TRO: variants seen among roughly 807,000 people sequenced by gnomAD.
The protein encoded by TRO is MAGE superfamily protein.
Under a neutral mutation model 42.3 loss-of-function variants are expected in TRO, and 29 were observed. That is an observed-to-expected ratio of 0.68 (90% confidence interval 0.51 to 0.93). The LOEUF (loss-of-function observed/expected upper bound fraction) is 0.93. Among genes scored for constraint, TRO ranks in the 40% least tolerant of loss-of-function variants. The pLI is 0.00. For synonymous variants in TRO, 384 were observed against 425.2 expected (o/e 0.90, Z 1.19); for missense variants, 963 against 1,127.7 (o/e 0.85, Z 2.09).
At position 54,923,766 on chromosome X, in the gene TRO, A is replaced by G. The variant is rs1345827436; in HGVS notation, c.1234A>G (p.Lys412Glu). ...TTRTRGKRNR[K>E]SKHLNGDERS... The stretch of plus-strand genomic sequence containing the variant: ...CAGGACCCGGGGCAAAAGAAACCGA[A>G]AGGTGAGATCTCTGACATTGCCATC... The change falls in exon 3 of 13, where the codon AAG (lysine) becomes GAG (glutamate). Residue 412 changes from lysine (K) to glutamate (E), a missense_variant and splice_region_variant. Physicochemically the swap from Lys to Glu is moderately conservative, Grantham distance 56. Around this residue, in one of 2 missense-constraint regions of TRO, gnomAD observed 322 missense variants for 316.5 expected, o/e 1.02. Coordinates refer to ENST00000173898, the MANE Select transcript of TRO (RefSeq NM_001039705.3). 3 of 1,196,141 alleles carry G rather than the reference A, an allele frequency of 2.5e-6. No individual in the cohort carries two copies. The East Asian group carries it at 8.9e-5, about 36-fold the overall frequency.
chrX:54,922,456 C>A, intron 2 of TRO, 122 bp from the exon 3 acceptor site: 2 of 907,218 alleles, frequency 2.2e-6, no homozygotes, highest in Non-Finnish European at 3.0e-6. Context: ...TGACTCTATT[C>A]CTTCCTTGCT....
chrX:54,922,379 A>G, intron 2 of TRO, 88 bp downstream of exon 2: 2 of 1,066,756 alleles, frequency 1.9e-6, no homozygotes, highest in Admixed American at 5.1e-5. Flanking sequence ...GTGTAGTTTC[A>G]TAATTCCCTG....
rs1336255958 is a variant in TRO at position 54,927,709 on chromosome X, A to G, written c.1806A>G (p.Glu602=). Residue 602 remains glutamate (E), a synonymous_variant, in exon 11 of 13, where the codon GAA becomes GAG. Transcript: ENST00000173898. The stretch of plus-strand genomic sequence containing the variant: ...GGGTCCCTAACAGCAGACCACCTGA[A>G]TATGAGTTCTTCTGGGGCTTGCGCT... ...YKRVPNSRPP[E]YEFFWGLRSY... 1.7e-6 allele frequency: 2 copies of G among 1,211,833 alleles called. No individual in the cohort carries two copies. The highest frequency in any genetic ancestry group is 3.0e-5 in the East Asian group (1 of 33,848).
rs759961860 is a variant in TRO, at chrX:54,922,835, A to T, written c.303A>T (p.Lys101Asn). ...AANEIATNKPKITWQALNLPV... is the reference protein window; with the variant it reads ...AANEIATNKPNITWQALNLPV... ...ATGAGATTGCCACCAACAAGCCCAA[A>T]ATAACTTGGCAGGCTTTAAACCTGC... The change falls in exon 3 of 13, where the codon AAA becomes AAT. Residue 101 changes from lysine to asparagine, a missense_variant. Lys to Asn is a moderately conservative substitution (Grantham distance 94). Around this residue, in one of 2 missense-constraint regions of TRO, gnomAD observed 322 missense variants for 316.5 expected, o/e 1.02. Coordinates refer to ENST00000173898, the MANE Select transcript of TRO (RefSeq NM_001039705.3). The T allele has an allele frequency of 1.2e-5, 14 of 1,210,469 alleles. No homozygotes were observed. The highest frequency in any genetic ancestry group is 1.5e-5 in the Non-Finnish European group (13 of 894,838).
At position 54,927,079 on chromosome X, in the gene TRO, C is replaced by A; in HGVS notation, c.1737C>A (p.Leu579=). The A allele has an allele frequency of 8.3e-7, 1 of 1,211,812 alleles. No homozygotes were observed. The highest frequency in any genetic ancestry group is 1.1e-6 in the Non-Finnish European group (1 of 895,583). The change falls in exon 10 of 13, where the codon CTC becomes CTA. Residue 579 remains leucine (L), a synonymous_variant. Transcript: ENST00000173898. The part of the protein sequence containing the change: ...RHSLFGEVRK[L]ITDEFVKQKY... The stretch of plus-strand genomic sequence containing the variant: ...CACTCTTTGGGGAAGTGAGGAAGCT[C>A]ATCACAGACGAGTTTGTGAAGCAGA...
Position 54,930,197 on chromosome X carries a change from G to A in TRO, c.3473G>A (p.Cys1158Tyr), listed in dbSNP as rs1192441687. ...CFGGAPSTSL[C>Y]FGSASNTNLC... Reference sequence around the variant, plus strand: ...GGTGGAGCTCCCAGCACCAGCCTCTGCTTTGGCAGTGCATCTAATACTAAC... The same window carrying A: ...GGTGGAGCTCCCAGCACCAGCCTCTACTTTGGCAGTGCATCTAATACTAAC... Residue 1158 changes from cysteine (C) to tyrosine (Y), a missense_variant, in exon 12 of 13, where the codon TGC (cysteine) becomes TAC (tyrosine). This residue lies in a region of TRO where 641 missense variants were observed against 811.3 expected (regional missense o/e 0.79). Transcript: ENST00000173898. 8.2e-7 allele frequency: 1 copy of A among 1,212,261 alleles called. No homozygotes were observed.
Position 54,930,724 on chromosome X carries a change from A to G in TRO, c.4000A>G (p.Ile1334Val). Reference protein sequence around the residue: ...NASFDRGLSTIIGFGSGSNTS... With the variant: ...NASFDRGLSTVIGFGSGSNTS... ...CAGCTTCGACAGAGGACTGAGTACC[A>G]TCATTGGCTTTGGCAGTGGTTCCAA... Residue 1334 changes from isoleucine to valine, a missense_variant, in exon 12 of 13, where the codon ATC becomes GTC. This residue lies in a region of TRO where 641 missense variants were observed against 811.3 expected (regional missense o/e 0.79). Coordinates refer to ENST00000173898, the MANE Select transcript of TRO (RefSeq NM_001039705.3). The G allele has an allele frequency of 8.3e-7, 1 of 1,212,032 alleles. No homozygotes were observed. The highest frequency in any genetic ancestry group is 1.1e-6 in the Non-Finnish European group (1 of 895,588).
Position 54,922,713 on chromosome X carries a change from C to T in TRO, c.181C>T (p.Pro61Ser). 8.3e-7 allele frequency: 1 copy of T among 1,210,616 alleles called. No homozygotes were observed. The highest frequency in any genetic ancestry group is 1.1e-6 in the Non-Finnish European group (1 of 894,862). Residue 61 changes from proline to serine, a missense_variant, in exon 3 of 13, where the codon CCA becomes TCA. Around this residue, in one of 2 missense-constraint regions of TRO, gnomAD observed 322 missense variants for 316.5 expected, o/e 1.02. Transcript: ENST00000173898. ...CAAGGACTCCCTGGCCATGGACCCA[C>T]CAGTTGTCAACCGGCCTAAGAAAAG... The part of the protein sequence containing the change: ...ATKDSLAMDP[P>S]VVNRPKKSKT...
intron 2 of TRO, 85 bp from the exon 3 acceptor site, chrX:54,922,493 C>T: frequency 1.0e-6 from 1 of 1,000,982 alleles, no homozygotes; most frequent in South Asian, 2.4e-5. Context: ...TTAACCACTG[C>T]TCAGAGGAAG....
chrX:54,929,597 G>C lies in TRO; in HGVS notation c.2873G>C (p.Cys958Ser). 8.3e-7 allele frequency: 1 copy of C among 1,211,787 alleles called. No homozygotes were observed. Among genetic ancestry groups the C allele is most frequent in the Non-Finnish European group, 1.1e-6 (1 of 895,423 alleles). Residue 958 changes from cysteine (C) to serine (S), a missense_variant, in exon 12 of 13, where the codon TGC (cysteine) becomes TCC (serine). Transcript: ENST00000173898. Reference sequence around the variant, plus strand: ...GGTGGTACACTAAGTACCAGCATCTGCTTTGATGGCTCTCCCAGCACTGGT... The same window carrying C: ...GGTGGTACACTAAGTACCAGCATCTCCTTTGATGGCTCTCCCAGCACTGGT... ...NFGGTLSTSI[C>S]FDGSPSTGAG... is the part of the protein sequence containing the mutation.
chrX:54,925,180 C>G, intron 6 of TRO, 112 bp downstream of exon 6: 1 of 745,186 alleles, frequency 1.3e-6, no homozygotes, highest in East Asian at 3.5e-5. Flanking sequence ...AGCCCCATTA[C>G]TGTGTGAATG....
Position 54,930,692 on chromosome X carries a change from C to T in TRO, c.3968C>T (p.Pro1323Leu), listed in dbSNP as rs199750241. The change falls in exon 12 of 13, where the codon CCT becomes CTT. Residue 1323 changes from proline (P) to leucine (L), a missense_variant. This residue lies in a region of TRO where 641 missense variants were observed against 811.3 expected (regional missense o/e 0.79). Coordinates refer to ENST00000173898, the MANE Select transcript of TRO (RefSeq NM_001039705.3). ...LSTSDGFGSR[P>L]NASFDRGLST... ...ACCAGCGATGGCTTTGGCAGTAGGC[C>T]TAATGCCAGCTTCGACAGAGGACTG... 106 of 1,211,042 alleles carry T rather than the reference C, an allele frequency of 8.8e-5. No individual in the cohort carries two copies. The Middle Eastern group carries it at 1.6e-3, about 18-fold the overall frequency.
intron 5 of TRO, 59 bp downstream of exon 5, chrX:54,924,792 A>G (rs1932550005): frequency 9.0e-7 from 1 of 1,112,893 alleles, no homozygotes; most frequent in African/African-American, 1.8e-5. Context: ...CTCCTCCCAT[A>G]GTCTGGGAGT....
chrX:54,926,843 TTAGA>T (rs1357592737), intron 9 of TRO, 196 bp from the exon 10 acceptor site: 3 of 634,895 alleles, frequency 4.7e-6, no homozygotes, highest in Admixed American at 3.8e-5. Context: ...AGCTGAGATG[TTAGA>T]TAGACCTTCA....
intron 3 of TRO, 167 bp downstream of exon 3, chrX:54,923,935 G>T: frequency 1.9e-6 from 1 of 522,333 alleles, no homozygotes. Context: ...CTCCCTAGCA[G>T]TTCACAGATT....
chrX:54,931,202 A>G lies in TRO; in HGVS notation c.*12-2A>G. Reference sequence around the variant, plus strand: ...ATGTGTTCCTATTTGTTTTGTTTTCAGATTTATTCCCCATGTTTACAGATA... The same window carrying G: ...ATGTGTTCCTATTTGTTTTGTTTTCGGATTTATTCCCCATGTTTACAGATA... On this transcript the variant is annotated splice_acceptor_variant, in intron 12 of 12. Coordinates refer to ENST00000173898, the MANE Select transcript of TRO (RefSeq NM_001039705.3). LOFTEE classifies it low-confidence loss of function (3UTR_SPLICE). 8.3e-7 allele frequency: 1 copy of G among 1,210,385 alleles called. No homozygotes were observed. The highest frequency in any genetic ancestry group is 1.1e-6 in the Non-Finnish European group (1 of 894,650).
chrX:54,921,507 C>T (rs1285046124), intron 1 of TRO: 1 of 108,724 alleles, frequency 9.2e-6, no homozygotes, highest in East Asian at 2.9e-4. Flanking sequence ...GAGCTGCACA[C>T]TTGCAGACGT....
chrX:54,921,177 G>C (rs902393605), intron 1 of TRO: 1 of 110,591 alleles, frequency 9.0e-6, no homozygotes, highest in Non-Finnish European at 1.9e-5. Flanking sequence ...TCCTTCAGAC[G>C]GTAGCAAGAG....
chrX:54,926,377 ATAAACC>A, intron 7 of TRO, 27 bp from the exon 8 acceptor site: 2 of 1,189,476 alleles, frequency 1.7e-6, no homozygotes, highest in East Asian at 6.0e-5. Flanking sequence ...CTGTTGAAAC[ATAAACC>A]TTCTTTCTGT....
Sources: allele counts gnomAD v4.1 joint callset, GRCh38; gene constraint gnomAD v4.1.1; regional missense constraint gnomAD v4.1.1; transcripts MANE v1.5; gene names NCBI Gene and HGNC (gene_info 2026-07-23, HGNC 2026-07-21).